WWOX: variants seen among roughly 807,000 people sequenced by gnomAD.
WWOX encodes the protein WW domain-containing oxidoreductase.
In WWOX, 69 loss-of-function variants were observed where a neutral mutation model predicts 46.2. That is an observed-to-expected ratio of 1.49 (90% CI 1.23 to 1.82). The LOEUF is 1.82. Among genes scored for constraint, WWOX ranks in the 40% most tolerant of loss-of-function variants. WWOX has a pLI of 0.00. For missense variants in WWOX, 919 were observed against 542.6 expected (o/e 1.69, Z -6.89); for synonymous variants, 359 against 202.6 (o/e 1.77, Z -6.56).
Position 78,210,022 on chromosome 16 carries a change from G to A in WWOX, c.516+45733G>A, listed in dbSNP as rs186088308. On this transcript the variant is annotated intron_variant, in intron 5 of 8. Coordinates refer to ENST00000566780, the MANE Select transcript of WWOX (RefSeq NM_016373.4). Reference sequence around the variant, plus strand: ...TTCAGAGATAACTGGAAAAAAGTACGAGAAAAGCCAAAAAGAAAAAAAAAA... The same window carrying A: ...TTCAGAGATAACTGGAAAAAAGTACAAGAAAAGCCAAAAAGAAAAAAAAAA... 1.1e-3 allele frequency among the ~76,000 whole-genome samples: 162 copies of A among 151,928 alleles called. 1 individual carries two copies. Among genetic ancestry groups the A allele is most frequent in the African/African-American group, 3.5e-3 (146 of 41,440 alleles).
At chr16:78,370,453 G>A (rs1241028734) in intron 5 of WWOX, among the ~76,000 whole-genome samples, 2 of 151,898 alleles carry the variant, frequency 1.3e-5, no homozygotes, top group African/African-American at 2.4e-5. Flanking sequence ...AGGGAAAAAG[G>A]AGAGAAATAT....
chr16:78,976,515 G>C (rs1401564400), intron 8 of WWOX, among the ~76,000 whole-genome samples: 3 of 152,210 alleles, frequency 2.0e-5, no homozygotes, highest in Non-Finnish European at 4.4e-5. Flanking sequence ...AAGAACGTGA[G>C]GGGTGATGTA....
intron 8 of WWOX, among the ~76,000 whole-genome samples, chr16:78,666,852 C>T (rs553556570): frequency 4.5e-4 from 68 of 152,236 alleles, no homozygotes; most frequent in African/African-American, 1.4e-3. Context: ...CAGCGTTCTA[C>T]GAAGGCTTCC....
At chr16:78,402,056 C>T (rs186806319) in intron 6 of WWOX, among the ~76,000 whole-genome samples, 54 of 152,312 alleles carry the variant, frequency 3.5e-4, no homozygotes, top group East Asian at 2.1e-3. Flanking sequence ...CACAAAGTTA[C>T]GTTACCATTA....
intron 8 of WWOX, among the ~76,000 whole-genome samples, chr16:78,471,820 A>G (rs867309764): frequency 6.6e-6 from 1 of 152,232 alleles, no homozygotes; most frequent in Admixed American, 6.5e-5. Flanking sequence ...TCATATCATG[A>G]AGTAGATTTA....
At chr16:79,033,351 T>C (rs1394061639) in intron 8 of WWOX, among the ~76,000 whole-genome samples, 4 of 149,104 alleles carry the variant, frequency 2.7e-5, no homozygotes, top group African/African-American at 9.8e-5. Context: ...ATATACATAA[T>C]ATATACATAA....
At chr16:78,553,767 G>A (rs576207979) in intron 8 of WWOX, among the ~76,000 whole-genome samples, 11 of 152,138 alleles carry the variant, frequency 7.2e-5, no homozygotes, top group African/African-American at 1.9e-4. Context: ...TGAAGTCACC[G>A]AGGTGCCAAT....
At position 78,608,803 on chromosome 16, in the gene WWOX, A is replaced by G. The variant is rs111860515; in HGVS notation, c.1056+176051A>G. Among the ~76,000 whole-genome samples the G allele has an allele frequency of 5.3e-5, 8 of 152,274 alleles. 1 individual carries two copies. Among genetic ancestry groups the G allele is most frequent in the African/African-American group, 1.9e-4 (8 of 41,554 alleles). ...CCTCCAGGGGTTCCTGGGTTGAAGT[A>G]TCTGTTCCCTCCCTTTATTTTTTCT... On this transcript the variant is annotated intron_variant, in intron 8 of 8. Transcript: ENST00000566780.
intron 8 of WWOX, among the ~76,000 whole-genome samples, chr16:79,112,391 C>T (rs976161426): frequency 6.6e-6 from 1 of 152,152 alleles, no homozygotes; most frequent in Non-Finnish European, 1.5e-5. Context: ...AACATAATTT[C>T]CTTTGCTCAT....
chr16:78,644,494 T>C (rs2046794996), intron 8 of WWOX, among the ~76,000 whole-genome samples: 1 of 151,954 alleles, frequency 6.6e-6, no homozygotes, highest in Admixed American at 6.6e-5. Context: ...AGAGTTTTGC[T>C]CTTATTGCTC....
chr16:79,053,345 A>C (rs2048204843), intron 8 of WWOX, among the ~76,000 whole-genome samples: 1 of 152,212 alleles, frequency 6.6e-6, no homozygotes, highest in African/African-American at 2.4e-5. Flanking sequence ...CCTGCATCCC[A>C]GCAACGTGGC....
At chr16:78,311,656 G>A (rs1343620099) in intron 5 of WWOX, among the ~76,000 whole-genome samples, 1 of 152,232 alleles carries the variant, frequency 6.6e-6, no homozygotes. Flanking sequence ...GGTAATGGCT[G>A]TAGGAGAGAT....
chr16:79,005,584 G>T (rs1284818431), intron 8 of WWOX, among the ~76,000 whole-genome samples: 1 of 151,980 alleles, frequency 6.6e-6, no homozygotes, highest in Non-Finnish European at 1.5e-5. Context: ...TGGTGTTTGG[G>T]GCATGTTGTC....
At chr16:78,481,153 A>G (rs1355106996) in intron 8 of WWOX, among the ~76,000 whole-genome samples, 2 of 152,240 alleles carry the variant, frequency 1.3e-5, no homozygotes, top group African/African-American at 2.4e-5. Context: ...TCCTGGAGGT[A>G]GTAGCTAATA....
At position 78,808,532 on chromosome 16, in the gene WWOX, G is replaced by C. The variant is rs145714501; in HGVS notation, c.1056+375780G>C. ...AAAATGTGGACCTTTGTGAATTTCC[G>C]ATGTCATAGAAGGGTGTTCTTAACT... On this transcript the variant is annotated intron_variant, in intron 8 of 8. Transcript: ENST00000566780. Among the ~76,000 whole-genome samples the C allele has an allele frequency of 2.8e-3, 423 of 152,210 alleles. 3 individuals carry two copies. Among genetic ancestry groups the C allele is most frequent in the African/African-American group, 9.9e-3 (409 of 41,516 alleles).
At chr16:79,159,191 G>C (rs1211351207) in intron 8 of WWOX, among the ~76,000 whole-genome samples, 1 of 152,140 alleles carries the variant, frequency 6.6e-6, no homozygotes. Context: ...AGTTAAAAAG[G>C]TCACTGTAGT....
At chr16:78,656,326 G>T (rs1330250888) in intron 8 of WWOX, among the ~76,000 whole-genome samples, 1 of 151,988 alleles carries the variant, frequency 6.6e-6, no homozygotes, top group Non-Finnish European at 1.5e-5. Flanking sequence ...GTCCCCTCCT[G>T]GTGCCTGTAT....
At chr16:78,533,599 G>A (rs1380716044) in intron 8 of WWOX, among the ~76,000 whole-genome samples, 1 of 152,128 alleles carries the variant, frequency 6.6e-6, no homozygotes, top group Non-Finnish European at 1.5e-5. Context: ...GAGATCACAA[G>A]GTACAACTAG....
intron 5 of WWOX, among the ~76,000 whole-genome samples, chr16:78,274,332 G>A (rs1230428641): frequency 6.6e-6 from 1 of 152,088 alleles, no homozygotes; most frequent in African/African-American, 2.4e-5. Context: ...CACTTTTTCT[G>A]TTTTTGATGG....
Sources: gnomAD v4.1 joint callset for allele counts (sites outside exome capture counted in the v4.1 genomes callset) on GRCh38, gnomAD v4.1.1 for gene constraint, MANE v1.5 for transcripts, NCBI Gene and HGNC (gene_info 2026-07-23, HGNC 2026-07-21) for gene names.